Variants in RGP1 observed in about 807,000 individuals in gnomAD.
RGP1 encodes RAB6A-GEF complex partner protein 2.
A neutral mutation model predicts 44.5 loss-of-function variants in RGP1; 28 were observed. The ratio of observed to expected loss-of-function variants is 0.63; its 90% CI spans 0.47 to 0.86. RGP1 has a LOEUF of 0.86. RGP1 is among the 40% of genes least tolerant of loss of function. RGP1 has a pLI of 0.00. For missense variants in RGP1, 417 were observed against 490.7 expected (o/e 0.85, Z 1.42); for synonymous variants, 212 against 196.7 (o/e 1.08, Z -0.65).
At chr9:35,763,141 C>CTG (rs1827434263), downstream of RGP1, among the ~76,000 whole-genome samples, 1 of 152,226 alleles carries the variant, frequency 6.6e-6, no homozygotes, top group Non-Finnish European at 1.5e-5. Context: ...AGCCACTTAA[C>CTG]TAGTCTCCTT....
the RGP1 span, among the ~76,000 whole-genome samples, chr9:35,776,232 C>A: frequency 4.7e-4 from 71 of 152,122 alleles, no homozygotes; most frequent in African/African-American, 1.7e-3. Context: ...TCATGTGGAA[C>A]CTTTGCAGTC....
chr9:35,775,091 A>G, the RGP1 span, among the ~76,000 whole-genome samples: 7 of 152,078 alleles, frequency 4.6e-5, no homozygotes, highest in African/African-American at 1.4e-4. Context: ...ATGGACCCAC[A>G]CTGATAGCAG....
Position 35,752,912 on chromosome 9 carries a change from G to A in RGP1, c.*38G>A. 1.9e-6 allele frequency: 3 copies of A among 1,596,938 alleles called. No homozygotes were observed. Among genetic ancestry groups the A allele is most frequent in the Non-Finnish European group, 2.6e-6 (3 of 1,168,786 alleles). On this transcript the variant is annotated 3_prime_UTR_variant, in exon 9 of 9. Transcript: ENST00000378078. ...CTGGTGCTAGTTCCTTCCGGATACT[G>A]AGAACTCAGCACCTGGACTCTAATG...
the RGP1 span, among the ~76,000 whole-genome samples, chr9:35,765,474 T>C: frequency 1.3e-5 from 2 of 152,094 alleles, no homozygotes; most frequent in East Asian, 1.9e-4. Context: ...TTGGACAACA[T>C]GGTGAAACCC....
the RGP1 span, among the ~76,000 whole-genome samples, chr9:35,764,850 G>A: frequency 6.6e-6 from 1 of 152,176 alleles, no homozygotes; most frequent in South Asian, 2.1e-4. Context: ...GTTTGGCCAG[G>A]CACGATGGCT....
chr9:35,788,232 G>C, the RGP1 span, among the ~76,000 whole-genome samples: 1 of 152,178 alleles, frequency 6.6e-6, no homozygotes. Context: ...GATTCTAGCA[G>C]CTGGCCAATT....
chr9:35,777,294 T>C, the RGP1 span, among the ~76,000 whole-genome samples: 538 of 151,448 alleles, frequency 3.6e-3, 2 homozygotes, highest in African/African-American at 0.012. Context: ...CATGCCTGGC[T>C]AATTTTTTGT....
chr9:35,753,601 G>C lies in RGP1; in HGVS notation c.*727G>C. 1 of 1,405,896 alleles carries C rather than the reference G, an allele frequency of 7.1e-7. No homozygotes were observed. The allele number at this position is 1,405,896 out of a possible 1,614,324, so 87.1% of individuals were successfully genotyped here. On this transcript the variant is annotated 3_prime_UTR_variant, in exon 9 of 9. Transcript: ENST00000378078. The surrounding 1 kb of genome is among the most constrained non-coding windows in gnomAD (Gnocchi z 4.2). ...CATCACAGCAATCTAGTCACTCCCTGGTCATCCCTCAGTCACTCATATCAG... is the reference window on the plus strand; with the variant it reads ...CATCACAGCAATCTAGTCACTCCCTCGTCATCCCTCAGTCACTCATATCAG...
intron 6 of RGP1, 55 bp from the exon 7 acceptor site, chr9:35,751,572 C>T: frequency 1.2e-6 from 2 of 1,612,140 alleles, no homozygotes; most frequent in Non-Finnish European, 1.7e-6. Flanking sequence ...GGTGCCCAGT[C>T]CTAGACGTTA....
chr9:35,749,650 C>T lies in RGP1; in HGVS notation c.-19-87C>T, dbSNP rs1827194567. On this transcript the variant is annotated intron_variant, in intron 1 of 8. Transcript: ENST00000378078. This position sits in a 1 kb window ranked among gnomAD's most constrained non-coding sequence, Gnocchi z 4.4. ...TCGGGCACCACGGTGCTGACCACCC[C>T]TGTCCTCAGCCCTCAGCCCTAGGTG... 7.5e-6 allele frequency: 6 copies of T among 802,442 alleles called. No individual in the cohort carries two copies. In the East Asian group the frequency reaches 1.6e-4, roughly 21 times the overall value. 49.7% of individuals were successfully genotyped at this position (802,442 alleles called of 1,614,324 possible).
At position 35,756,723 on chromosome 9, in the gene RGP1, TA is replaced by T. The variant is rs1827363024; in HGVS notation, c.*3850del. The stretch of plus-strand genomic sequence containing the variant: ...CTCTTGCAAGCTAGAGCCAGCCCAA[TA>T]GGGGGCGGATGTGAGTGGGGAGCTG... On this transcript the variant is annotated 3_prime_UTR_variant, in exon 9 of 9. Transcript: ENST00000378078. The T allele has an allele frequency of 1.3e-5, 2 of 151,808 alleles. No homozygotes were observed. The highest frequency in any genetic ancestry group is 6.5e-5 in the Admixed American group (1 of 15,276). The allele number at this position is 151,808 out of a possible 1,614,324, so 9.4% of individuals were successfully genotyped here.
rs991498092 is a variant in RGP1 at position 35,754,253 on chromosome 9, G to A, written c.*1379G>A. The A allele has an allele frequency of 3.2e-6, 4 of 1,241,504 alleles. No individual in the cohort carries two copies. Among genetic ancestry groups the A allele is most frequent in the South Asian group, 1.5e-5 (1 of 66,524 alleles). 76.9% of individuals were successfully genotyped at this position (1,241,504 alleles called of 1,614,324 possible). On this transcript the variant is annotated 3_prime_UTR_variant, in exon 9 of 9. Coordinates refer to ENST00000378078, the MANE Select transcript of RGP1 (RefSeq NM_001080496.3). ...TTCTGTCTTTCTCCCCTGGGCTCCT[G>A]TCTCACACTATCTCCCTGCCCTCTG...
rs1827296268 is a variant in RGP1 at position 35,753,110 on chromosome 9, T to A, written c.*236T>A. On this transcript the variant is annotated 3_prime_UTR_variant, in exon 9 of 9. Transcript: ENST00000378078. This position sits in a 1 kb window ranked among gnomAD's most constrained non-coding sequence, Gnocchi z 4.2. ...GATGATCAGTTGAGTTTAGCTGGAG[T>A]GGGGAGCAGGAGCCCCAGGAACAGG... 1.2e-6 allele frequency: 2 copies of A among 1,613,704 alleles called. No homozygotes were observed. The highest frequency in any genetic ancestry group is 2.2e-5 in the East Asian group (1 of 44,876).
chr9:35,762,841 G>GA (rs771035960), downstream of RGP1, among the ~76,000 whole-genome samples: 1,686 of 139,940 alleles, frequency 0.012, 7 homozygotes, highest in Middle Eastern at 0.014. Context: ...CTTTTTAACG[G>GA]AAAAAAAAAA....
At position 35,749,403 on chromosome 9, in the gene RGP1, T is replaced by C. The variant is rs746775302; in HGVS notation, c.-25T>C. ...GGGTGCCGATCCCTAGTGTCGACTATGCGAGGTGACTAGCGGCGGTGATCT... is the reference window on the plus strand; with the variant it reads ...GGGTGCCGATCCCTAGTGTCGACTACGCGAGGTGACTAGCGGCGGTGATCT... On this transcript the variant is annotated 5_prime_UTR_variant, in exon 1 of 9. An upstream start codon of the reference 5' UTR is lost. Transcript: ENST00000378078. This position sits in a 1 kb window ranked among gnomAD's most constrained non-coding sequence, Gnocchi z 4.4. 3.6e-6 allele frequency: 2 copies of C among 556,916 alleles called. No individual in the cohort carries two copies. Among genetic ancestry groups the C allele is most frequent in the East Asian group, 5.0e-5 (1 of 19,916 alleles). 34.5% of individuals were successfully genotyped at this position (556,916 alleles called of 1,614,324 possible).
the RGP1 span, among the ~76,000 whole-genome samples, chr9:35,787,279 G>C: frequency 2.8e-3 from 423 of 152,078 alleles, 10 homozygotes; most frequent in East Asian, 0.062. Flanking sequence ...CCCCAGGCTG[G>C]AGTGCAGAGG....
downstream of RGP1, among the ~76,000 whole-genome samples, chr9:35,762,030 G>A (rs1827423086): frequency 1.3e-5 from 2 of 152,060 alleles, no homozygotes; most frequent in Admixed American, 6.6e-5. Flanking sequence ...GTTGGCACAT[G>A]CCTGTCATCC....
chr9:35,772,811 T>G, the RGP1 span, among the ~76,000 whole-genome samples: 486 of 149,668 alleles, frequency 3.2e-3, 3 homozygotes, highest in African/African-American at 0.011. Context: ...AAAAAAAAAG[T>G]TTTATACTAG....
At chr9:35,767,980 T>A in the RGP1 span, among the ~76,000 whole-genome samples, 1 of 152,076 alleles carries the variant, frequency 6.6e-6, no homozygotes, top group African/African-American at 2.4e-5. Context: ...TTTGTATTTT[T>A]AGTAGAGACA....
Sources: allele counts gnomAD v4.1 joint callset (sites outside exome capture counted in the v4.1 genomes callset), GRCh38; gene constraint gnomAD v4.1.1; non-coding constraint Gnocchi (gnomAD v3.1); transcripts MANE v1.5; gene names NCBI Gene and HGNC (gene_info 2026-07-23, HGNC 2026-07-21).